Variants in RHAG observed in about 807,000 individuals in gnomAD.
RHAG encodes the protein Rh associated glycoprotein.
In RHAG, 25 loss-of-function variants were observed where a neutral mutation model predicts 42.4. The ratio of observed to expected loss-of-function variants is 0.59; its 90% CI spans 0.43 to 0.82. The LOEUF (loss-of-function observed/expected upper bound fraction) is 0.82, where lower values mean the gene tolerates loss of function less well. Ranked by LOEUF, RHAG falls within the 40% of genes least tolerant of loss-of-function variation. The pLI, the probability that RHAG is intolerant of heterozygous loss-of-function variation, is 0.00. For missense variants in RHAG, 483 were observed against 504.6 expected (o/e 0.96, Z 0.41); for synonymous variants, 182 against 177.7 (o/e 1.02, Z -0.19).
At chr6:49,610,813 T>A (rs934913532) in intron 7 of RHAG, among the ~76,000 whole-genome samples, 6 of 152,230 alleles carry the variant, frequency 3.9e-5, no homozygotes, top group Non-Finnish European at 8.8e-5. Flanking sequence ...AAAATAACAC[T>A]GTTAATTTTT....
chr6:49,617,138 T>G (rs1762670023), intron 3 of RHAG, among the ~76,000 whole-genome samples: 1 of 152,188 alleles, frequency 6.6e-6, no homozygotes, highest in Non-Finnish European at 1.5e-5. Context: ...CTCTAGAAGT[T>G]TTCTTTTAGT....
intron 7 of RHAG, 125 bp from the exon 8 acceptor site, chr6:49,607,345 T>C (rs1020966697): frequency 1.2e-5 from 9 of 747,094 alleles, no homozygotes; most frequent in Non-Finnish European, 2.1e-5. Flanking sequence ...AGCAGCAAAT[T>C]AAGCATTTGT....
chr6:49,625,089 T>C (rs1466945952), intron 1 of RHAG, among the ~76,000 whole-genome samples: 1 of 152,232 alleles, frequency 6.6e-6, no homozygotes, highest in Non-Finnish European at 1.5e-5. Context: ...ATCACTCACC[T>C]GATGTTTTCA....
chr6:49,609,493 G>A (rs1762532174), intron 7 of RHAG, among the ~76,000 whole-genome samples: 1 of 152,206 alleles, frequency 6.6e-6, no homozygotes, highest in Admixed American at 6.5e-5. Flanking sequence ...GAGGAGTTGA[G>A]CTCATTCACA....
chr6:49,633,035 T>C (rs1230232462), intron 1 of RHAG, among the ~76,000 whole-genome samples: 2 of 152,226 alleles, frequency 1.3e-5, no homozygotes, highest in African/African-American at 4.8e-5. Context: ...TTCATGATTG[T>C]GCTTACGGTT....
At chr6:49,612,105 C>G (rs1341713102) in intron 6 of RHAG, among the ~76,000 whole-genome samples, 4 of 152,168 alleles carry the variant, frequency 2.6e-5, no homozygotes, top group Non-Finnish European at 4.4e-5. Flanking sequence ...CAAATAACAA[C>G]AACAACTTCA....
intron 1 of RHAG, among the ~76,000 whole-genome samples, chr6:49,619,689 C>A (rs1762720944): frequency 6.6e-6 from 1 of 152,226 alleles, no homozygotes; most frequent in South Asian, 2.1e-4. Context: ...AGCATCACCC[C>A]TTCTTGAAGA....
chr6:49,618,111 A>T lies in RHAG; in HGVS notation c.449T>A (p.Val150Asp). ...CAGGTATTCATTGTGGGCAAAGAAA[A>T]CAATTTCTAAAATTGTCATGATCAG... ...QMLIMTILEI[V>D]FFAHNEYLVS... Residue 150 changes from valine to aspartate, a missense_variant, in exon 3 of 10, where the codon GTT (valine) becomes GAT (aspartate). By Grantham distance (152) the Val-to-Asp change is radical. Coordinates refer to ENST00000371175, the MANE Select transcript of RHAG (RefSeq NM_000324.3). 1 of 1,614,102 alleles carries T rather than the reference A, an allele frequency of 6.2e-7. No individual in the cohort carries two copies. The highest frequency in any genetic ancestry group is 2.2e-5 in the East Asian group (1 of 44,870).
intron 1 of RHAG, among the ~76,000 whole-genome samples, chr6:49,624,107 C>G (rs573657363): frequency 6.6e-5 from 10 of 152,308 alleles, no homozygotes; most frequent in Admixed American, 5.9e-4. Flanking sequence ...GAAGAAATCT[C>G]AAGGCATTAG....
chr6:49,608,186 G>A (rs2127349657), intron 7 of RHAG, among the ~76,000 whole-genome samples: 1 of 152,218 alleles, frequency 6.6e-6, no homozygotes, highest in East Asian at 1.9e-4. Context: ...CATTAAATAT[G>A]TTTTAGGGAT....
intron 1 of RHAG, among the ~76,000 whole-genome samples, chr6:49,628,148 A>C: frequency 8.1e-6 from 1 of 123,962 alleles, no homozygotes; most frequent in Admixed American, 8.7e-5. Context: ...ACACACACAC[A>C]CACACACACA....
At chr6:49,623,389 G>C (rs1762795230) in intron 1 of RHAG, among the ~76,000 whole-genome samples, 1 of 152,174 alleles carries the variant, frequency 6.6e-6, no homozygotes, top group African/African-American at 2.4e-5. Flanking sequence ...CCTGCTTTAA[G>C]AGTTTGTGGG....
At chr6:49,613,301 C>T (rs549747332) in intron 5 of RHAG, among the ~76,000 whole-genome samples, 14 of 152,222 alleles carry the variant, frequency 9.2e-5, no homozygotes, top group Admixed American at 2.0e-4. Flanking sequence ...AATGCCTGAC[C>T]TCAGGTGATC....
chr6:49,619,916 C>CA (rs1290391356), intron 1 of RHAG, among the ~76,000 whole-genome samples: 1 of 152,150 alleles, frequency 6.6e-6, no homozygotes, highest in Non-Finnish European at 1.5e-5. Flanking sequence ...TTTAACTTGG[C>CA]ATAATAGCTT....
intron 1 of RHAG, among the ~76,000 whole-genome samples, chr6:49,634,816 A>G (rs1041712470): frequency 1.3e-5 from 2 of 152,084 alleles, no homozygotes; most frequent in Non-Finnish European, 2.9e-5. Context: ...TTATTGAGAT[A>G]TAATTGACGT....
At chr6:49,620,914 A>C (rs901677123) in intron 1 of RHAG, among the ~76,000 whole-genome samples, 2 of 152,192 alleles carry the variant, frequency 1.3e-5, no homozygotes, top group African/African-American at 4.8e-5. Context: ...TGCCTGGAAA[A>C]TATGTCCCAG....
chr6:49,626,870 C>A (rs1762852387), intron 1 of RHAG, among the ~76,000 whole-genome samples: 1 of 152,242 alleles, frequency 6.6e-6, no homozygotes, highest in South Asian at 2.1e-4. Context: ...ATGTAAACTG[C>A]CAGGACTTGG....
chr6:49,608,454 A>G (rs754961916), intron 7 of RHAG, among the ~76,000 whole-genome samples: 86 of 147,000 alleles, frequency 5.9e-4, no homozygotes, highest in Admixed American at 4.5e-3. Flanking sequence ...ATCTCAGCTC[A>G]CTGCTGTCTC....
intron 8 of RHAG, 103 bp downstream of exon 8, chr6:49,607,047 T>G: frequency 8.0e-7 from 1 of 1,251,702 alleles, no homozygotes; most frequent in East Asian, 2.4e-5. Context: ...CTGCCAGAAG[T>G]TTAGAACATT....
Sources: allele counts gnomAD v4.1 joint callset (sites outside exome capture counted in the v4.1 genomes callset), GRCh38; gene constraint gnomAD v4.1.1; transcripts MANE v1.5; gene names NCBI Gene and HGNC (gene_info 2026-07-23, HGNC 2026-07-21).